EFCAB6: variants seen among roughly 807,000 people sequenced by gnomAD.
EFCAB6 encodes EF-hand calcium binding domain 6.
In EFCAB6, 156 loss-of-function variants were observed where a neutral mutation model predicts 169.8. That is an observed-to-expected ratio of 0.92 (90% CI 0.81 to 1.05). The LOEUF is 1.05. EFCAB6 is among the 50% of genes least tolerant of loss of function. The probability of loss-of-function intolerance (pLI) is 0.00; values close to 1 mark genes in which losing one functional copy is unlikely to be tolerated. For synonymous variants in EFCAB6, 698 were observed against 676.4 expected (o/e 1.03, Z -0.50); for missense variants, 1,800 against 1,829.1 (o/e 0.98, Z 0.29).
chr22:43,776,045 G>A (rs945900172), intron 3 of EFCAB6, among the ~76,000 whole-genome samples: 1 of 152,220 alleles, frequency 6.6e-6, no homozygotes, highest in African/African-American at 2.4e-5. Context: ...TAGGGCATTT[G>A]CACACAGCAA....
intron 8 of EFCAB6, among the ~76,000 whole-genome samples, chr22:43,719,573 T>C (rs1054549228): frequency 3.3e-5 from 5 of 152,240 alleles, no homozygotes; most frequent in South Asian, 2.1e-4. Flanking sequence ...GACTCTCTTA[T>C]AGAGGTGAGA....
intron 17 of EFCAB6, among the ~76,000 whole-genome samples, chr22:43,640,909 G>A (rs1051016987): frequency 1.3e-5 from 2 of 152,180 alleles, no homozygotes; most frequent in Non-Finnish European, 2.9e-5. Flanking sequence ...GCTACAGCAA[G>A]CACATCCTTA....
chr22:43,721,402 C>A (rs1328312990), intron 8 of EFCAB6, among the ~76,000 whole-genome samples: 3 of 151,916 alleles, frequency 2.0e-5, no homozygotes, highest in Non-Finnish European at 4.4e-5. Context: ...GAACAACAAA[C>A]AAAACAAAAC....
chr22:43,716,936 T>C lies in EFCAB6; in HGVS notation c.794A>G (p.Lys265Arg), dbSNP rs536331405. ...SLENQQAKNS[K>R]KERLLGSASS... ...TGCAGAACCTAGCAAACGTTCCTTT[T>C]TGGAATTTTTGGCTTGTTGATTCTC... The change falls in exon 9 of 32, where the codon AAA becomes AGA. Residue 265 changes from lysine (K) to arginine (R), a missense_variant. Transcript: ENST00000262726. 89 of 1,573,006 alleles carry C rather than the reference T, an allele frequency of 5.7e-5. No individual in the cohort carries two copies. Among genetic ancestry groups the C allele is most frequent in the Non-Finnish European group, 7.2e-5 (84 of 1,161,822 alleles).
intron 2 of EFCAB6, among the ~76,000 whole-genome samples, chr22:43,793,996 C>G (rs770071181): frequency 2.6e-5 from 4 of 152,024 alleles, no homozygotes; most frequent in African/African-American, 4.8e-5. Context: ...AAGTGTGGTG[C>G]CTGAACCAGC....
chr22:43,717,409 A>G (rs1215169620), intron 8 of EFCAB6, among the ~76,000 whole-genome samples: 1 of 151,570 alleles, frequency 6.6e-6, no homozygotes, highest in East Asian at 1.9e-4. Context: ...CAGTGAAAAA[A>G]TAATGAGTGG....
At chr22:43,575,734 G>A (rs1412367163) in intron 26 of EFCAB6, among the ~76,000 whole-genome samples, 3 of 152,028 alleles carry the variant, frequency 2.0e-5, no homozygotes, top group African/African-American at 7.2e-5. Context: ...CTGGAGTCAG[G>A]CTTACAAACC....
chr22:43,559,601 T>G (rs1467600471), intron 26 of EFCAB6, among the ~76,000 whole-genome samples: 1 of 152,124 alleles, frequency 6.6e-6, no homozygotes, highest in Non-Finnish European at 1.5e-5. Context: ...AGCAAAGACT[T>G]GGAACCAACC....
chr22:43,531,352 C>T (rs968407774), intron 30 of EFCAB6, among the ~76,000 whole-genome samples: 3 of 151,782 alleles, frequency 2.0e-5, no homozygotes, highest in African/African-American at 7.3e-5. Context: ...ACGAGATGGC[C>T]GGGCAGATAT....
chr22:43,602,146 TGA>T lies in EFCAB6; in HGVS notation c.2682-1885_2682-1884del, dbSNP rs145768665. 2.0e-3 allele frequency among the ~76,000 whole-genome samples: 305 copies of T among 152,318 alleles called. 2 individuals are homozygous for T. The Middle Eastern group carries it at 0.02, about 10-fold the overall frequency. ...GAGCCGTCCCGGGCAGTCCTAGACA[TGA>T]GGTCTCAGGACAGTGCCCCGCCCAG... On this transcript the variant is annotated intron_variant, in intron 22 of 31. Coordinates refer to ENST00000262726, the MANE Select transcript of EFCAB6 (RefSeq NM_022785.4).
At chr22:43,544,317 A>G (rs2047916542) in intron 27 of EFCAB6, among the ~76,000 whole-genome samples, 1 of 152,068 alleles carries the variant, frequency 6.6e-6, no homozygotes, top group Non-Finnish European at 1.5e-5. Flanking sequence ...CCCACCCCAC[A>G]GCTACAGGAG....
intron 8 of EFCAB6, among the ~76,000 whole-genome samples, chr22:43,731,075 G>T (rs2059930454): frequency 6.6e-6 from 1 of 152,076 alleles, no homozygotes; most frequent in African/African-American, 2.4e-5. Context: ...GAAGGGAGAG[G>T]ATCCAATTGC....
chr22:43,702,538 A>G (rs1187268457), intron 10 of EFCAB6, among the ~76,000 whole-genome samples: 2 of 152,226 alleles, frequency 1.3e-5, no homozygotes, highest in Non-Finnish European at 2.9e-5. Flanking sequence ...AACAGTTTCT[A>G]CAGAGGGAAA....
rs367646941 is a variant in EFCAB6, at chr22:43,784,567, A to ATG, written c.-7-2244_-7-2243dup. ...TGTATATGTATATATACACATATAT[A>ATG]TGTGTACATATACACATATATATGT... On this transcript the variant is annotated intron_variant, in intron 2 of 31. Transcript: ENST00000262726. Among the ~76,000 whole-genome samples, 14 of 56,770 alleles carry ATG rather than the reference A, an allele frequency of 2.5e-4. No individual in the cohort carries two copies. In the East Asian group the frequency reaches 0.012, roughly 49 times the overall value. The allele number at this position is 56,770 out of a possible 152,430, so 37.2% of individuals were successfully genotyped here.
Position 43,626,513 on chromosome 22 carries a change from C to T in EFCAB6, c.2399G>A (p.Arg800Gln), listed in dbSNP as rs747467610. 2.7e-5 allele frequency: 43 copies of T among 1,613,994 alleles called. No individual in the cohort carries two copies. The Middle Eastern group carries it at 4.9e-4, about 19-fold the overall frequency. Residue 800 changes from arginine (R) to glutamine (Q), a missense_variant, in exon 20 of 32, where the codon CGG (arginine) becomes CAG (glutamine). Physicochemically the swap from Arg to Gln is conservative, Grantham distance 43. Coordinates refer to ENST00000262726, the MANE Select transcript of EFCAB6 (RefSeq NM_022785.4). ...CTTCTCACACAAATTTTGAAATTCC[C>T]GAAAATTTAAAGTGACACTAAGTCT... ...GLRLSVTLNF[R>Q]EFQNLCEKRP...
chr22:43,714,070 AATTGTC>A (rs964016832), intron 9 of EFCAB6, among the ~76,000 whole-genome samples: 4 of 152,256 alleles, frequency 2.6e-5, no homozygotes, highest in African/African-American at 4.8e-5. Context: ...ACTTTTTAGA[AATTGTC>A]ATTAAGAAGG....
chr22:43,671,229 T>A (rs1421291988), intron 15 of EFCAB6, among the ~76,000 whole-genome samples: 1 of 152,020 alleles, frequency 6.6e-6, no homozygotes, highest in African/African-American at 2.4e-5. Flanking sequence ...GAGATGGAGT[T>A]TTGCTCTAGT....
At chr22:43,703,963 T>C (rs562097004) in intron 10 of EFCAB6, among the ~76,000 whole-genome samples, 12 of 152,102 alleles carry the variant, frequency 7.9e-5, no homozygotes, top group African/African-American at 2.6e-4. Flanking sequence ...AAATAATGAC[T>C]GAAAACTTCC....
chr22:43,563,377 G>A (rs1390831719), intron 26 of EFCAB6, among the ~76,000 whole-genome samples: 2 of 152,082 alleles, frequency 1.3e-5, no homozygotes, highest in Non-Finnish European at 2.9e-5. Context: ...AGACCAGCCT[G>A]GGCAACATGA....
Sources: gnomAD v4.1 joint callset for allele counts (sites outside exome capture counted in the v4.1 genomes callset) on GRCh38, gnomAD v4.1.1 for gene constraint, MANE v1.5 for transcripts, NCBI Gene and HGNC (gene_info 2026-07-23, HGNC 2026-07-21) for gene names.